PARP1: variants seen among roughly 807,000 people sequenced by gnomAD.
PARP1 encodes the protein poly(ADP-ribose) polymerase 1.
In PARP1, 44 loss-of-function variants were observed where a neutral mutation model predicts 118.7. That is an observed-to-expected ratio of 0.37 (90% CI 0.29 to 0.48). The LOEUF is 0.48. Among genes scored for constraint, PARP1 ranks in the 20% least tolerant of loss-of-function variants. The probability of loss-of-function intolerance (pLI) is 0.99; values close to 1 mark genes in which losing one functional copy is unlikely to be tolerated. For synonymous variants in PARP1, 492 were observed against 483.2 expected, an observed-to-expected ratio of 1.02 and a Z score of -0.24; for missense variants, 1,100 against 1,272.4, an observed-to-expected ratio of 0.86 and a Z score of 2.06.
At position 226,365,176 on chromosome 1, in the gene PARP1, G is replaced by A. The variant is rs917191570; in HGVS notation, c.2506-22C>T. On this transcript the variant is annotated intron_variant, in intron 18 of 22. Coordinates refer to ENST00000366794, the MANE Select transcript of PARP1 (RefSeq NM_001618.4). ...AGATCTGGTTGGAGTAGTAAACAAA[G>A]GGAAGGACAAAAGAAGCCATTTGTT... The A allele has an allele frequency of 3.1e-6, 5 of 1,613,694 alleles. No homozygotes were observed. In the African/African-American group the frequency reaches 6.7e-5, roughly 22 times the overall value.
chr1:226,371,989 GA>G (rs1664392921), intron 14 of PARP1, among the ~76,000 whole-genome samples: 1 of 152,226 alleles, frequency 6.6e-6, no homozygotes, highest in African/African-American at 2.4e-5. Context: ...AGTTGAGAGA[GA>G]AACAGAAAAG....
At chr1:226,365,696 G>A (rs1474651009) in intron 18 of PARP1, among the ~76,000 whole-genome samples, 16 of 151,872 alleles carry the variant, frequency 1.1e-4, no homozygotes, top group East Asian at 1.9e-4. Context: ...GAACCCAGGA[G>A]GCAGAGGCTG....
At chr1:226,368,861 G>C (rs1007860408) in intron 15 of PARP1, among the ~76,000 whole-genome samples, 11 of 152,324 alleles carry the variant, frequency 7.2e-5, no homozygotes, top group Admixed American at 7.2e-4. Flanking sequence ...GTGTCACTTG[G>C]TGCTCTATAT....
At chr1:226,403,472 C>G (rs1285741582) in intron 1 of PARP1, among the ~76,000 whole-genome samples, 1 of 152,226 alleles carries the variant, frequency 6.6e-6, no homozygotes, top group Non-Finnish European at 1.5e-5. Flanking sequence ...ACCACTGCAC[C>G]CAGTCCTGGC....
intron 3 of PARP1, among the ~76,000 whole-genome samples, chr1:226,391,169 C>T (rs1407898728): frequency 6.6e-6 from 1 of 151,882 alleles, no homozygotes; most frequent in Admixed American, 6.6e-5. Flanking sequence ...CTATGTTGCC[C>T]GGGCTGGTCC....
chr1:226,396,206 C>T (rs1158570695), intron 2 of PARP1, among the ~76,000 whole-genome samples: 2 of 151,914 alleles, frequency 1.3e-5, no homozygotes, highest in Admixed American at 6.6e-5. Flanking sequence ...ATTAGCCAGA[C>T]GTGGTGGCGC....
Position 226,392,433 on chromosome 1 carries a change from GACT to G in PARP1, c.287-122_287-120del, listed in dbSNP as rs1558241120. The G allele has an allele frequency of 3.9e-6, 3 of 763,988 alleles. No individual in the cohort carries two copies. In the South Asian group the frequency reaches 4.1e-5, roughly 11 times the overall value. The allele number at this position is 763,988 out of a possible 1,614,324, so 47.3% of individuals were successfully genotyped here. A position where few individuals can be genotyped will look rare whatever the true frequency, so the allele number is the denominator to read the frequency against. On this transcript the variant is annotated intron_variant, in intron 2 of 22. Coordinates refer to ENST00000366794, the MANE Select transcript of PARP1 (RefSeq NM_001618.4). Reference sequence around the variant, plus strand: ...CACTAGGACACCTTATGCCTTGGGAGACTACGATTGGTCCATCTCATCTGTCTG... The same window carrying G: ...CACTAGGACACCTTATGCCTTGGGAGACGATTGGTCCATCTCATCTGTCTG...
At chr1:226,388,255 G>T (rs986189205) in intron 5 of PARP1, among the ~76,000 whole-genome samples, 1 of 152,170 alleles carries the variant, frequency 6.6e-6, no homozygotes, top group African/African-American at 2.4e-5. Flanking sequence ...CAAGCCATTT[G>T]TCTATGCTAA....
chr1:226,384,449 G>A (rs985417212), intron 7 of PARP1, among the ~76,000 whole-genome samples: 3 of 152,216 alleles, frequency 2.0e-5, no homozygotes, highest in South Asian at 2.1e-4. Context: ...AACTTGTCTC[G>A]CACATGCACA....
chr1:226,391,817 C>G (rs915616797), intron 3 of PARP1, among the ~76,000 whole-genome samples: 5 of 152,198 alleles, frequency 3.3e-5, no homozygotes, highest in African/African-American at 1.2e-4. Flanking sequence ...GTGGGAAAGC[C>G]TGGTTAATGA....
chr1:226,392,758 G>A (rs186295666), intron 2 of PARP1: 1 of 588,594 alleles, frequency 1.7e-6, no homozygotes, highest in African/African-American at 1.9e-5. Context: ...ACAAGTATAT[G>A]TAAGAATTAA....
intron 7 of PARP1, among the ~76,000 whole-genome samples, chr1:226,385,197 T>C (rs964214570): frequency 2.0e-5 from 3 of 152,218 alleles, no homozygotes; most frequent in Non-Finnish European, 2.9e-5. Flanking sequence ...CTTCACCATA[T>C]GTCCCTCAAG....
intron 12 of PARP1, among the ~76,000 whole-genome samples, chr1:226,378,697 T>C (rs1426880557): frequency 1.3e-5 from 2 of 151,926 alleles, no homozygotes. Flanking sequence ...AAATAAGGCA[T>C]GGTGGTGCGC....
chr1:226,372,816 C>G (rs1664413681), intron 14 of PARP1, among the ~76,000 whole-genome samples: 3 of 152,182 alleles, frequency 2.0e-5, no homozygotes. Flanking sequence ...AAGTGCAGGA[C>G]TTCAAAACGT....
chr1:226,363,410 G>C (rs1198792658), intron 20 of PARP1, among the ~76,000 whole-genome samples: 1 of 152,132 alleles, frequency 6.6e-6, no homozygotes, highest in African/African-American at 2.4e-5. Context: ...GGCCCTATTT[G>C]GAGTGGTGGT....
At chr1:226,362,132 CAA>C (rs753498183) in intron 21 of PARP1, 49 bp from the exon 22 acceptor site, 2 of 1,022,060 alleles carry the variant, frequency 2.0e-6, no homozygotes, top group South Asian at 2.5e-5. Flanking sequence ...ACAGATGTGG[CAA>C]AGCTTCCAGG....
chr1:226,361,251 CA>C lies in PARP1; in HGVS notation c.*208del. 1.6e-6 allele frequency: 1 copy of C among 615,230 alleles called. No individual in the cohort carries two copies. The allele number at this position is 615,230 out of a possible 1,614,324, so 38.1% of individuals were successfully genotyped here. A position where few individuals can be genotyped will look rare whatever the true frequency, so the allele number is the denominator to read the frequency against. On this transcript the variant is annotated 3_prime_UTR_variant, in exon 23 of 23. Transcript: ENST00000366794. ...TGGCAAGAAAAAACAAAAACAACCC[CA>C]AAACAACCCCTCCCCACAGACACAA... is the stretch of plus-strand genomic sequence containing the variant.
intron 13 of PARP1, 22 bp downstream of exon 13, chr1:226,377,086 T>C (rs762386705): frequency 1.3e-6 from 2 of 1,597,510 alleles, no homozygotes; most frequent in African/African-American, 2.7e-5. Context: ...AAGCAGACAG[T>C]GTAAGGGCAT....
chr1:226,362,295 C>CG, intron 21 of PARP1: 1 of 515,734 alleles, frequency 1.9e-6, no homozygotes, highest in East Asian at 3.5e-5. Flanking sequence ...AAGCAATTCT[C>CG]GTGCCTCAGC....
Sources: allele counts gnomAD v4.1 joint callset (sites outside exome capture counted in the v4.1 genomes callset), GRCh38; gene constraint gnomAD v4.1.1; transcripts MANE v1.5; gene names NCBI Gene and HGNC (gene_info 2026-07-23, HGNC 2026-07-21).